ARHGAP25: variants seen among roughly 807,000 people sequenced by gnomAD.
ARHGAP25 encodes rho GTPase-activating protein 25.
Under a neutral mutation model 71.0 loss-of-function variants are expected in ARHGAP25, and 34 were observed. The observed-to-expected ratio is 0.48, with a 90% CI of 0.36 to 0.64. The LOEUF is 0.64. Ranked by LOEUF, ARHGAP25 falls within the 30% of genes least tolerant of loss-of-function variation. The pLI is 0.00. For synonymous variants in ARHGAP25, 282 were observed against 296.5 expected (o/e 0.95, Z 0.50); for missense variants, 706 against 805.1 (o/e 0.88, Z 1.49).
At chr2:68,749,323 C>T (rs924703333) in intron 1 of ARHGAP25, among the ~76,000 whole-genome samples, 2 of 152,136 alleles carry the variant, frequency 1.3e-5, no homozygotes, top group African/African-American at 2.4e-5. Flanking sequence ...TGACATTCTG[C>T]CACCTTGTAT....
intron 8 of ARHGAP25, 137 bp downstream of exon 8, chr2:68,818,131 C>A: frequency 1.7e-6 from 2 of 1,184,228 alleles, no homozygotes; most frequent in Non-Finnish European, 1.2e-6. Flanking sequence ...ATGCAATAGC[C>A]TTGTGAGGTA....
intron 1 of ARHGAP25, among the ~76,000 whole-genome samples, chr2:68,743,269 G>A (rs1011967673): frequency 6.6e-6 from 1 of 152,144 alleles, no homozygotes. Flanking sequence ...CTGAAGTGAG[G>A]TTGGAAGTTG....
intron 1 of ARHGAP25, among the ~76,000 whole-genome samples, chr2:68,746,712 C>CCT (rs561489815): frequency 1.3e-5 from 2 of 151,458 alleles, no homozygotes; most frequent in African/African-American, 2.4e-5. Flanking sequence ...CACCCCCCTC[C>CCT]CCATCCCCAC....
chr2:68,748,272 T>C (rs1159422825), intron 1 of ARHGAP25, among the ~76,000 whole-genome samples: 1 of 152,204 alleles, frequency 6.6e-6, no homozygotes, highest in African/African-American at 2.4e-5. Flanking sequence ...CCATGGCCTT[T>C]CCTCCACTCC....
chr2:68,715,586 T>C (rs1391042276), intron 2 of ARHGAP25, among the ~76,000 whole-genome samples: 1 of 152,038 alleles, frequency 6.6e-6, no homozygotes, highest in Non-Finnish European at 1.5e-5. Flanking sequence ...TGCTTTCCCG[T>C]GTAGGTGAGA....
intron 6 of ARHGAP25, among the ~76,000 whole-genome samples, chr2:68,815,850 T>G (rs1390461327): frequency 4.6e-5 from 7 of 152,138 alleles, no homozygotes; most frequent in African/African-American, 1.7e-4. Flanking sequence ...ATGTCTCAGA[T>G]AGGCCACAGT....
intron 9 of ARHGAP25, 185 bp downstream of exon 9, chr2:68,819,504 A>G (rs1311539541): frequency 6.9e-6 from 5 of 727,880 alleles, no homozygotes; most frequent in Admixed American, 4.0e-5. Context: ...TCTAGTTTCT[A>G]TTGGCATCTT....
chr2:68,809,295 T>C (rs1040481639), intron 5 of ARHGAP25, among the ~76,000 whole-genome samples: 3 of 152,226 alleles, frequency 2.0e-5, no homozygotes, highest in African/African-American at 7.2e-5. Flanking sequence ...GGGCAGAGCA[T>C]AGAATGCCGG....
rs77025204 is a variant in ARHGAP25, at chr2:68,747,225, T to C, written c.61+11965T>C. ...TTCCTTGACACTGTGCCCCCTGGCT[T>C]TCCCTTACCTCATTAGTTACTCTTC... On this transcript the variant is annotated intron_variant, in intron 1 of 10. Coordinates refer to ENST00000409202, the MANE Select transcript of ARHGAP25 (RefSeq NM_001007231.3). 5.1e-3 allele frequency among the ~76,000 whole-genome samples: 773 copies of C among 152,196 alleles called. 9 individuals are homozygous for C. Among genetic ancestry groups the C allele is most frequent in the African/African-American group, 0.018 (738 of 41,478 alleles).
chr2:68,815,704 C>A (rs879824242), intron 6 of ARHGAP25, among the ~76,000 whole-genome samples: 1 of 152,064 alleles, frequency 6.6e-6, no homozygotes, highest in South Asian at 2.1e-4. Flanking sequence ...CACGGAAAAG[C>A]TCGCTGTCCC....
At chr2:68,743,604 G>T (rs1675644933) in intron 1 of ARHGAP25, among the ~76,000 whole-genome samples, 1 of 152,144 alleles carries the variant, frequency 6.6e-6, no homozygotes, top group Non-Finnish European at 1.5e-5. Context: ...AGTGAGTGAG[G>T]AATCTCCTTA....
Position 68,737,172 on chromosome 2 carries a change from TGAACTA to T in ARHGAP25, c.61+1916_61+1921del, listed in dbSNP as rs149255795. ...GTAGGATGCATTTATAAGTGTCACA[TGAACTA>T]GAATTCAGATCATAATCTGAGTCCT... On this transcript the variant is annotated intron_variant, in intron 1 of 10. Coordinates refer to ENST00000409202, the MANE Select transcript of ARHGAP25 (RefSeq NM_001007231.3). Among the ~76,000 whole-genome samples, 1,015 of 152,330 alleles carry T rather than the reference TGAACTA, an allele frequency of 6.7e-3. 10 individuals are homozygous for T. Among genetic ancestry groups the T allele is most frequent in the African/African-American group, 0.023 (962 of 41,572 alleles).
In ARHGAP25 at chr2:68,751,960, C is replaced by T. The variant is rs537074274; in HGVS notation, c.61+16700C>T. Among the ~76,000 whole-genome samples the T allele has an allele frequency of 1.8e-4, 27 of 152,282 alleles. 1 individual carries two copies. Among genetic ancestry groups the T allele is most frequent in the African/African-American group, 5.8e-4 (24 of 41,548 alleles). On this transcript the variant is annotated intron_variant, in intron 1 of 10. Coordinates refer to ENST00000409202, the MANE Select transcript of ARHGAP25 (RefSeq NM_001007231.3). ...CTCAGCCAAGTTTGGCATGGGCTTC[C>T]GTTGGCGCTACCAACTGGCAAGCTG...
rs1254264842 is a variant in ARHGAP25 at position 68,826,688 on chromosome 2, C to G, written c.*494C>G. 5.0e-6 allele frequency: 1 copy of G among 198,230 alleles called. No homozygotes were observed. The highest frequency in any genetic ancestry group is 2.3e-5 in the African/African-American group (1 of 42,800). The allele number at this position is 198,230 out of a possible 1,614,324, so 12.3% of individuals were successfully genotyped here. A position where few individuals can be genotyped will look rare whatever the true frequency, so the allele number is the denominator to read the frequency against. The stretch of plus-strand genomic sequence containing the variant: ...GCTGCATCTGCTGAAGCGAGAACCC[C>G]ATTCTGCCACCCCACCAGGATGCCC... On this transcript the variant is annotated 3_prime_UTR_variant, in exon 11 of 11. Coordinates refer to ENST00000409202, the MANE Select transcript of ARHGAP25 (RefSeq NM_001007231.3).
In ARHGAP25 at chr2:68,819,159, T is replaced by C. The variant is rs1284036867; in HGVS notation, c.1040T>C (p.Ile347Thr). 3 of 1,591,636 alleles carry C rather than the reference T, an allele frequency of 1.9e-6. No homozygotes were observed. The part of the protein sequence containing the change: ...PQIQRVMTMM[I>T]RDHEVLFPKS... Reference sequence around the variant, plus strand: ...ATCCAAAGAGTGATGACTATGATGATCAGAGACCATGAAGTCCTCTTCCCC... The same window carrying C: ...ATCCAAAGAGTGATGACTATGATGACCAGAGACCATGAAGTCCTCTTCCCC... Residue 347 changes from isoleucine (I) to threonine (T), a missense_variant, in exon 9 of 11, where the codon ATC (isoleucine) becomes ACC (threonine). Ile to Thr is a moderately conservative substitution (Grantham distance 89, BLOSUM62 -1). Coordinates refer to ENST00000409202, the MANE Select transcript of ARHGAP25 (RefSeq NM_001007231.3).
chr2:68,802,799 A>G (rs922456029), intron 4 of ARHGAP25, among the ~76,000 whole-genome samples: 1 of 152,138 alleles, frequency 6.6e-6, no homozygotes, highest in African/African-American at 2.4e-5. Context: ...TTTTATGAGT[A>G]TAATACTAAA....
intron 1 of ARHGAP25, among the ~76,000 whole-genome samples, chr2:68,751,028 G>A (rs1257003651): frequency 6.6e-6 from 1 of 152,182 alleles, no homozygotes; most frequent in East Asian, 1.9e-4. Context: ...CTTTAAGCAC[G>A]AATTACCTGT....
Position 68,728,201 on chromosome 2 carries a change from C to A in ARHGAP25, c.-18+17503C>A, listed in dbSNP as rs1364517597. Among the ~76,000 whole-genome samples, 6 of 152,158 alleles carry A rather than the reference C, an allele frequency of 3.9e-5. No individual in the cohort carries two copies. In the South Asian group the frequency reaches 6.2e-4, roughly 16 times the overall value. On this transcript the variant is annotated intron_variant and NMD_transcript_variant, in intron 2 of 7. Coordinates refer to the ARHGAP25 transcript ENST00000463483. ...ATTCTGCTTTGGAAAACCAAACCAG[C>A]CAATAAGCAAATGAAAAGATGCTTA...
intron 4 of ARHGAP25, among the ~76,000 whole-genome samples, chr2:68,802,407 CAAAAAAAAAAAAAAA>C (rs10688959): frequency 1.2e-5 from 1 of 82,152 alleles, no homozygotes; most frequent in South Asian, 5.2e-4. Context: ...GACTCCATCT[CAAAAAAAAAAAAAAA>C]AAAAAAAGAA....
Sources: allele counts gnomAD v4.1 joint callset (sites outside exome capture counted in the v4.1 genomes callset), GRCh38; gene constraint gnomAD v4.1.1; transcripts MANE v1.5; gene names NCBI Gene and HGNC (gene_info 2026-07-23, HGNC 2026-07-21).